Variants in THSD7B observed in about 807,000 individuals in gnomAD.
THSD7B encodes the protein thrombospondin type-1 domain-containing protein 7B.
THSD7B carries 138 observed loss-of-function variants against 213.6 expected under a neutral mutation model. The ratio of observed to expected loss-of-function variants is 0.65; its 90% CI spans 0.56 to 0.74. The LOEUF is 0.74. THSD7B is among the 30% of genes least tolerant of loss of function. THSD7B has a pLI of 0.00. For synonymous variants in THSD7B, 742 were observed against 687.0 expected, an observed-to-expected ratio of 1.08 and a Z score of -1.25; for missense variants, 1,931 against 1,991.5, an observed-to-expected ratio of 0.97 and a Z score of 0.58.
At chr2:136,869,133 T>A (rs572824938) in intron 1 of THSD7B, among the ~76,000 whole-genome samples, 2 of 152,190 alleles carry the variant, frequency 1.3e-5, no homozygotes, top group Non-Finnish European at 2.9e-5. Context: ...ATTTAAAGTA[T>A]AGGCAATTTA....
chr2:137,362,746 G>C (rs1685297247), intron 12 of THSD7B, among the ~76,000 whole-genome samples: 1 of 152,146 alleles, frequency 6.6e-6, no homozygotes, highest in Non-Finnish European at 1.5e-5. Flanking sequence ...CAAGTCCTTA[G>C]AGACCTACAA....
intron 2 of THSD7B, among the ~76,000 whole-genome samples, chr2:137,030,242 A>G (rs1164158996): frequency 6.6e-6 from 1 of 152,212 alleles, no homozygotes; most frequent in African/African-American, 2.4e-5. Context: ...AGGAAAACTC[A>G]CAGCTCACTG....
intron 4 of THSD7B, among the ~76,000 whole-genome samples, chr2:137,114,626 A>G (rs1170960522): frequency 2.0e-5 from 3 of 152,236 alleles, no homozygotes; most frequent in African/African-American, 7.2e-5. Flanking sequence ...ATGAGTAAAG[A>G]GTTTCTTACA....
chr2:137,653,224 TC>T (rs555236845), intron 21 of THSD7B, among the ~76,000 whole-genome samples: 321 of 152,280 alleles, frequency 2.1e-3, no homozygotes, highest in African/African-American at 7.4e-3. Context: ...GGATTTTTTT[TC>T]TTTCAGAACT....
chr2:137,499,369 G>GA (rs1263781430), intron 15 of THSD7B, among the ~76,000 whole-genome samples: 5 of 151,146 alleles, frequency 3.3e-5, no homozygotes, highest in East Asian at 3.9e-4. Context: ...GGTACTTACA[G>GA]AAAAAAAAAT....
intron 7 of THSD7B, among the ~76,000 whole-genome samples, chr2:137,199,212 A>T (rs909988613): frequency 1.3e-5 from 2 of 152,180 alleles, no homozygotes; most frequent in African/African-American, 4.8e-5. Flanking sequence ...TTTTAAAACA[A>T]ATGCTTTTCC....
chr2:137,347,835 T>C (rs1439074616), intron 12 of THSD7B, among the ~76,000 whole-genome samples: 2 of 151,600 alleles, frequency 1.3e-5, no homozygotes, highest in Non-Finnish European at 3.0e-5. Flanking sequence ...CTTAATGTTA[T>C]AGTTCCACTA....
chr2:137,357,423 G>T (rs1272895153), intron 12 of THSD7B, among the ~76,000 whole-genome samples: 1 of 151,918 alleles, frequency 6.6e-6, no homozygotes, highest in Non-Finnish European at 1.5e-5. Context: ...TTTTTTGTTT[G>T]TTTGTTTGTT....
At chr2:136,835,980 C>T (rs965167025) in intron 1 of THSD7B, among the ~76,000 whole-genome samples, 4 of 152,142 alleles carry the variant, frequency 2.6e-5, no homozygotes, top group African/African-American at 9.7e-5. Context: ...AAGTTTGCGA[C>T]TACTCTTTAA....
chr2:137,240,723 C>T (rs1681880769), intron 9 of THSD7B, among the ~76,000 whole-genome samples: 1 of 152,126 alleles, frequency 6.6e-6, no homozygotes, highest in African/African-American at 2.4e-5. Flanking sequence ...CTGTGTTGCC[C>T]AGGCTAGTGT....
chr2:136,819,030 G>T (rs1682528115), intron 1 of THSD7B, among the ~76,000 whole-genome samples: 2 of 152,096 alleles, frequency 1.3e-5, no homozygotes, highest in Admixed American at 1.3e-4. Context: ...CTCCATATTT[G>T]TCATGTAAAA....
At chr2:137,217,177 A>G (rs1279345871) in intron 7 of THSD7B, among the ~76,000 whole-genome samples, 2 of 152,216 alleles carry the variant, frequency 1.3e-5, no homozygotes, top group Non-Finnish European at 2.9e-5. Flanking sequence ...CAAAGCAAGC[A>G]TACTGACAAT....
At position 137,676,681 on chromosome 2, in the gene THSD7B, T is replaced by G. The variant is rs1459594063; in HGVS notation, c.*76T>G. On this transcript the variant is annotated 3_prime_UTR_variant, in exon 28 of 28. Coordinates refer to ENST00000409968, the MANE Select transcript of THSD7B (RefSeq NM_001316349.2). ...TTTTGTAGCTCTCAGACTTCTCAGT[T>G]TTTTGAGGAATCTCAAGATGTGATA... 1 of 1,327,066 alleles carries G rather than the reference T, an allele frequency of 7.5e-7. No homozygotes were observed. The highest frequency in any genetic ancestry group is 2.6e-5 in the East Asian group (1 of 38,576). The allele number at this position is 1,327,066 out of a possible 1,614,324, so 82.2% of individuals were successfully genotyped here.
At chr2:137,267,518 C>G (rs573653096) in intron 10 of THSD7B, among the ~76,000 whole-genome samples, 42 of 151,848 alleles carry the variant, frequency 2.8e-4, no homozygotes, top group South Asian at 6.3e-4. Flanking sequence ...TCCCCCACCC[C>G]CGAGTGCTCC....
chr2:136,917,777 G>A (rs1469406328), intron 2 of THSD7B, among the ~76,000 whole-genome samples: 1 of 152,190 alleles, frequency 6.6e-6, no homozygotes, highest in Non-Finnish European at 1.5e-5. Flanking sequence ...TTTTCCAAAG[G>A]AAATAGTCCA....
At chr2:137,613,270 T>C (rs540958216) in intron 17 of THSD7B, among the ~76,000 whole-genome samples, 1 of 152,286 alleles carries the variant, frequency 6.6e-6, no homozygotes, top group Non-Finnish European at 1.5e-5. Context: ...GTTTAACATA[T>C]TCCTTTATCC....
chr2:136,991,111 A>G (rs1349571542), intron 2 of THSD7B, among the ~76,000 whole-genome samples: 1 of 152,232 alleles, frequency 6.6e-6, no homozygotes. Flanking sequence ...TTGCCTCATC[A>G]TAAAGTACTA....
intron 5 of THSD7B, among the ~76,000 whole-genome samples, chr2:137,147,881 C>A (rs1679734846): frequency 6.6e-6 from 1 of 152,158 alleles, no homozygotes; most frequent in Non-Finnish European, 1.5e-5. Flanking sequence ...TTTTAAACAT[C>A]CTTCTCCCTT....
chr2:137,434,387 T>C (rs921601526), intron 14 of THSD7B, among the ~76,000 whole-genome samples: 35 of 152,216 alleles, frequency 2.3e-4, no homozygotes, highest in African/African-American at 7.5e-4. Flanking sequence ...CTTGAAATAT[T>C]CAGAAGCTCT....
Sources: gnomAD v4.1 joint callset for allele counts (sites outside exome capture counted in the v4.1 genomes callset) on GRCh38, gnomAD v4.1.1 for gene constraint, MANE v1.5 for transcripts, NCBI Gene and HGNC (gene_info 2026-07-23, HGNC 2026-07-21) for gene names.